The following FUT9 variants were observed in gnomAD, a reference collection of about 807,000 sequenced individuals.
FUT9 encodes the protein 4-galactosyl-N-acetylglucosaminide 3-alpha-L-fucosyltransferase 9.
A neutral mutation model predicts 29.7 loss-of-function variants in FUT9; 15 were observed. The ratio of observed to expected loss-of-function variants is 0.51; its 90% confidence interval spans 0.34 to 0.78. FUT9 has a LOEUF of 0.78. Ranked by LOEUF, FUT9 falls within the 30% of genes least tolerant of loss-of-function variation. FUT9 has a pLI of 0.01. For missense variants in FUT9, 319 were observed against 425.4 expected, an observed-to-expected ratio of 0.75 and a Z score of 2.20; for synonymous variants, 169 against 153.7, an observed-to-expected ratio of 1.10 and a Z score of -0.74.
At chr6:96,179,473 TACTAAGACAAA>T (rs1366666057) in intron 2 of FUT9, among the ~76,000 whole-genome samples, 1 of 152,136 alleles carries the variant, frequency 6.6e-6, no homozygotes, top group Non-Finnish European at 1.5e-5. Flanking sequence ...ACATCTTTCT[TACTAAGACAAA>T]ATCTTTCAAA....
chr6:96,117,491 C>T (rs192144456), intron 2 of FUT9, among the ~76,000 whole-genome samples: 89 of 152,282 alleles, frequency 5.8e-4, no homozygotes, highest in African/African-American at 2.1e-3. Flanking sequence ...ATTAGCATGC[C>T]TCATGCCCAA....
intron 2 of FUT9, among the ~76,000 whole-genome samples, chr6:96,164,563 G>A (rs1772978536): frequency 6.6e-6 from 1 of 152,136 alleles, no homozygotes; most frequent in African/African-American, 2.4e-5. Flanking sequence ...CCAGGTAGCA[G>A]GCTTCAGAAA....
chr6:96,181,512 G>T (rs1773307213), intron 2 of FUT9, among the ~76,000 whole-genome samples: 1 of 151,460 alleles, frequency 6.6e-6, no homozygotes, highest in Non-Finnish European at 1.5e-5. Flanking sequence ...ATTTAGTGAT[G>T]ATTTGTGAGA....
intron 1 of FUT9, among the ~76,000 whole-genome samples, chr6:96,050,146 A>T (rs954115103): frequency 2.0e-5 from 3 of 151,988 alleles, no homozygotes; most frequent in Non-Finnish European, 4.4e-5. Context: ...TTCAAAACAC[A>T]CTTTAAAAGA....
At chr6:96,093,649 C>T (rs1020440083) in intron 1 of FUT9, among the ~76,000 whole-genome samples, 1 of 152,094 alleles carries the variant, frequency 6.6e-6, no homozygotes, top group East Asian at 1.9e-4. Flanking sequence ...TCTCCATGCC[C>T]ATATTATTTA....
intron 1 of FUT9, chr6:96,036,831 A>AGC (rs1770372473): frequency 1.3e-5 from 2 of 151,928 alleles, no homozygotes; most frequent in African/African-American, 4.8e-5. Flanking sequence ...CATTTATTTA[A>AGC]ACCAAGCTAT....
chr6:96,054,600 A>G (rs1306190945), intron 1 of FUT9, among the ~76,000 whole-genome samples: 1 of 152,228 alleles, frequency 6.6e-6, no homozygotes, highest in African/African-American at 2.4e-5. Flanking sequence ...ACATGAATAC[A>G]ATGAATATCA....
chr6:96,103,246 T>C (rs1019999040), intron 1 of FUT9, among the ~76,000 whole-genome samples: 1 of 152,148 alleles, frequency 6.6e-6, no homozygotes, highest in African/African-American at 2.4e-5. Flanking sequence ...TATATGCATA[T>C]GTATGTATTT....
intron 2 of FUT9, among the ~76,000 whole-genome samples, chr6:96,174,316 G>A (rs1472368145): frequency 1.3e-5 from 2 of 152,152 alleles, no homozygotes; most frequent in African/African-American, 2.4e-5. Context: ...AATGTGAACT[G>A]AGGATTACTA....
intron 1 of FUT9, among the ~76,000 whole-genome samples, chr6:96,076,667 T>C (rs1322033269): frequency 6.6e-6 from 1 of 152,182 alleles, no homozygotes; most frequent in African/African-American, 2.4e-5. Context: ...CTGTTTGATA[T>C]ATAGAAATAT....
chr6:96,147,073 C>T (rs1772580902), intron 2 of FUT9, among the ~76,000 whole-genome samples: 1 of 152,078 alleles, frequency 6.6e-6, no homozygotes, highest in Non-Finnish European at 1.5e-5. Context: ...TTCTCACATA[C>T]AGGATAAAGC....
At chr6:96,091,399 A>C (rs1373643928) in intron 1 of FUT9, among the ~76,000 whole-genome samples, 1 of 152,124 alleles carries the variant, frequency 6.6e-6, no homozygotes, top group Non-Finnish European at 1.5e-5. Context: ...GTATTAAAGA[A>C]GACTAATGAG....
intron 1 of FUT9, among the ~76,000 whole-genome samples, chr6:96,086,634 C>T (rs2127952461): frequency 6.6e-6 from 1 of 152,200 alleles, no homozygotes; most frequent in East Asian, 1.9e-4. Context: ...CAGGAATATA[C>T]TGGACTTTAA....
At chr6:96,053,357 T>G in intron 1 of FUT9, among the ~76,000 whole-genome samples, 1 of 152,098 alleles carries the variant, frequency 6.6e-6, no homozygotes, top group East Asian at 1.9e-4. Context: ...TCTTTCTATT[T>G]TCAATGAAAA....
intron 1 of FUT9, among the ~76,000 whole-genome samples, chr6:96,057,658 C>T (rs145054702): frequency 2.8e-3 from 428 of 152,270 alleles, no homozygotes; most frequent in Non-Finnish European, 4.7e-3. Context: ...TAAGGAAATT[C>T]TGTGCCACAA....
intron 1 of FUT9, among the ~76,000 whole-genome samples, chr6:96,072,237 C>A (rs1771075155): frequency 6.6e-6 from 1 of 152,204 alleles, no homozygotes; most frequent in Non-Finnish European, 1.5e-5. Flanking sequence ...AAATCCCAGA[C>A]TCAGAACCAC....
chr6:96,049,139 G>T (rs1308164596), intron 1 of FUT9, among the ~76,000 whole-genome samples: 2 of 152,160 alleles, frequency 1.3e-5, no homozygotes, highest in Non-Finnish European at 2.9e-5. Flanking sequence ...TGAAGTAAGG[G>T]TTTGATTGGT....
intron 2 of FUT9, among the ~76,000 whole-genome samples, chr6:96,181,189 AT>A (rs1773300138): frequency 6.6e-6 from 1 of 152,048 alleles, no homozygotes; most frequent in Non-Finnish European, 1.5e-5. Flanking sequence ...TAAAAATCAC[AT>A]TGTCATATCA....
intron 2 of FUT9, among the ~76,000 whole-genome samples, chr6:96,137,809 A>T (rs1772386491): frequency 6.6e-6 from 1 of 152,140 alleles, no homozygotes; most frequent in Admixed American, 6.6e-5. Context: ...GTAATATAAG[A>T]AGTTAAAAAT....
Sources: allele counts gnomAD v4.1 joint callset (sites outside exome capture counted in the v4.1 genomes callset), GRCh38; gene constraint gnomAD v4.1.1; transcripts MANE v1.5; gene names NCBI Gene and HGNC (gene_info 2026-07-23, HGNC 2026-07-21).